BCAS3: variants seen among roughly 807,000 people sequenced by gnomAD.
The protein encoded by BCAS3 is BCAS4/BCAS3 fusion.
In BCAS3, 53 loss-of-function variants were observed where a neutral mutation model predicts 116.1. The observed-to-expected ratio is 0.46, with a 90% CI of 0.37 to 0.57. The LOEUF is 0.57. Among genes scored for constraint, BCAS3 ranks in the 20% least tolerant of loss-of-function variants. BCAS3 has a pLI of 0.00. For synonymous variants in BCAS3, 391 were observed against 408.2 expected (o/e 0.96, Z 0.51); for missense variants, 917 against 1,165.4 (o/e 0.79, Z 3.10).
Position 61,097,175 on chromosome 17 carries a change from GT to G in BCAS3, c.2425+12618del, listed in dbSNP as rs1325954095. On this transcript the variant is annotated intron_variant, in intron 22 of 23. Coordinates refer to ENST00000407086, the MANE Select transcript of BCAS3 (RefSeq NM_017679.5). This position sits in a 1 kb window ranked among gnomAD's most constrained non-coding sequence, Gnocchi z 4.0. ...AGAAGCCTACTCTGTTTCTTTATTTGTTTTTTTCTTTTTTCTTTTTTGAGAC... is the reference window on the plus strand; with the variant it reads ...AGAAGCCTACTCTGTTTCTTTATTTGTTTTTTCTTTTTTCTTTTTTGAGAC... Among the ~76,000 whole-genome samples, 7 of 151,848 alleles carry G rather than the reference GT, an allele frequency of 4.6e-5. No homozygotes were observed. In the East Asian group the frequency reaches 1.2e-3, roughly 25 times the overall value.
chr17:61,153,538 G>C (rs901399422), intron 22 of BCAS3, among the ~76,000 whole-genome samples: 4 of 152,176 alleles, frequency 2.6e-5, no homozygotes, highest in African/African-American at 9.7e-5. Context: ...GTGTAAGGTA[G>C]CATCTCCTAT....
intron 5 of BCAS3, among the ~76,000 whole-genome samples, chr17:60,725,240 A>G (rs1568108221): frequency 3.3e-5 from 5 of 152,070 alleles, no homozygotes. Flanking sequence ...CTTATACTCT[A>G]TTTTTTCATT....
rs755437031 is a variant in BCAS3, at chr17:61,392,023, C to T, written c.2640C>T (p.Gly880=). ...GSIETLSNSS[G]STSGSIPRNF... The stretch of plus-strand genomic sequence containing the variant: ...TCGAGACTCTGAGTAACAGCTCAGG[C>T]TCCACCAGCGGCAGCATACCAAGAA... The change falls in exon 24 of 24, where the codon GGC becomes GGT. Residue 880 remains glycine (G), a synonymous_variant. Coordinates refer to ENST00000407086, the MANE Select transcript of BCAS3 (RefSeq NM_017679.5). This position sits in a 1 kb window ranked among gnomAD's most constrained non-coding sequence, Gnocchi z 6.4. 1 of 1,613,920 alleles carries T rather than the reference C, an allele frequency of 6.2e-7. No individual in the cohort carries two copies. The highest frequency in any genetic ancestry group is 1.7e-5 in the Admixed American group (1 of 60,024).
chr17:61,360,045 C>T (rs1603037459), intron 22 of BCAS3, among the ~76,000 whole-genome samples: 1 of 146,040 alleles, frequency 6.8e-6, no homozygotes, highest in East Asian at 2.1e-4. Context: ...CTCACTCTGT[C>T]GCCCAGACTG....
intron 22 of BCAS3, among the ~76,000 whole-genome samples, chr17:61,175,784 A>G (rs2079097490): frequency 1.3e-5 from 2 of 152,184 alleles, no homozygotes; most frequent in African/African-American, 2.4e-5. Context: ...TCCAGAATAT[A>G]TAAATATAAA....
rs113570182 is a variant in BCAS3, at chr17:60,927,318, C to T, written c.1087+2818C>T. ...TTTGCCAGGCTGGAGTGCAGTGGCA[C>T]GATCTCAGCTCACTGCAACCTCCGC... On this transcript the variant is annotated intron_variant, in intron 13 of 23. Transcript: ENST00000407086. Among the ~76,000 whole-genome samples the T allele has an allele frequency of 3.7e-3, 567 of 151,754 alleles. 3 individuals carry two copies. Among genetic ancestry groups the T allele is most frequent in the African/African-American group, 0.013 (539 of 41,398 alleles).
intron 22 of BCAS3, among the ~76,000 whole-genome samples, chr17:61,255,865 G>A (rs1040742262): frequency 1.3e-5 from 2 of 152,200 alleles, no homozygotes; most frequent in Non-Finnish European, 2.9e-5. Flanking sequence ...AATTGAAGAA[G>A]TGGCTGGGGC....
At position 61,343,079 on chromosome 17, in the gene BCAS3, G is replaced by C. The variant is rs2057287063; in HGVS notation, c.2426-25248G>C. Among the ~76,000 whole-genome samples the C allele has an allele frequency of 6.6e-6, 1 of 152,178 alleles. No homozygotes were observed. The highest frequency in any genetic ancestry group is 2.4e-5 in the African/African-American group (1 of 41,458). ...GATTTTCTTTTAAAGGAAGGTGAGA[G>C]AGTAACTTCTTGGCCACCTTATCCT... On this transcript the variant is annotated intron_variant, in intron 22 of 23. Transcript: ENST00000407086. This position sits in a 1 kb window ranked among gnomAD's most constrained non-coding sequence, Gnocchi z 5.5.
Position 61,188,946 on chromosome 17 carries a change from T to A in BCAS3, c.2425+104382T>A, listed in dbSNP as rs1405310359. Among the ~76,000 whole-genome samples, 1 of 151,902 alleles carries A rather than the reference T, an allele frequency of 6.6e-6. No individual in the cohort carries two copies. ...AGTGAGACCTCATCTCTATAAAACA[T>A]CAAAAAATCAGCCGGGCGTGATGGT... On this transcript the variant is annotated intron_variant, in intron 22 of 23. Coordinates refer to ENST00000407086, the MANE Select transcript of BCAS3 (RefSeq NM_017679.5). This position sits in a 1 kb window ranked among gnomAD's most constrained non-coding sequence, Gnocchi z 4.0.
intron 22 of BCAS3, among the ~76,000 whole-genome samples, chr17:61,092,938 G>A (rs1601170812): frequency 8.4e-6 from 1 of 119,560 alleles, no homozygotes; most frequent in South Asian, 2.7e-4. Context: ...CAGAGTCTCA[G>A]TCTGTCACTG....
At chr17:60,711,939 A>G (rs1364869932) in intron 5 of BCAS3, among the ~76,000 whole-genome samples, 1 of 152,064 alleles carries the variant, frequency 6.6e-6, no homozygotes, top group Non-Finnish European at 1.5e-5. Context: ...AGGCAGGCAG[A>G]TCATTTGAGG....
intron 19 of BCAS3, among the ~76,000 whole-genome samples, chr17:61,067,726 CAAA>C (rs377228440): frequency 2.8e-5 from 3 of 108,992 alleles, no homozygotes; most frequent in African/African-American, 1.1e-4. Flanking sequence ...AACAAACAAA[CAAA>C]AAAAAAAAAA....
intron 4 of BCAS3, among the ~76,000 whole-genome samples, chr17:60,700,682 A>G (rs538782411): frequency 6.6e-6 from 1 of 152,316 alleles, no homozygotes; most frequent in Non-Finnish European, 1.5e-5. Context: ...AGAGAAAGTG[A>G]AGAAAAGTTA....
chr17:60,955,214 T>C lies in BCAS3; in HGVS notation c.1221+7862T>C, dbSNP rs2061055304. 2.0e-5 allele frequency among the ~76,000 whole-genome samples: 3 copies of C among 152,244 alleles called. No individual in the cohort carries two copies. The East Asian group carries it at 5.8e-4, about 29-fold the overall frequency. The stretch of plus-strand genomic sequence containing the variant: ...AAAGTAGATTGCCAACATGACATGA[T>C]GCCCTATTACCCTCAATGCTTGAAT... On this transcript the variant is annotated intron_variant, in intron 14 of 23. Coordinates refer to ENST00000407086, the MANE Select transcript of BCAS3 (RefSeq NM_017679.5).
intron 7 of BCAS3, among the ~76,000 whole-genome samples, chr17:60,844,856 T>C (rs998097738): frequency 2.0e-5 from 3 of 152,110 alleles, no homozygotes; most frequent in African/African-American, 4.8e-5. Context: ...TAGAATACCA[T>C]GAGTAAAAAA....
Position 61,077,813 on chromosome 17 carries a change from A to G in BCAS3, c.2131-520A>G, listed in dbSNP as rs2072170882. On this transcript the variant is annotated intron_variant, in intron 20 of 23. Coordinates refer to ENST00000407086, the MANE Select transcript of BCAS3 (RefSeq NM_017679.5). The surrounding 1 kb of genome is among the most constrained non-coding windows in gnomAD (Gnocchi z 4.3). ...TTGTGGAAATAAAGTGGCTTTGGGC[A>G]TTAAAATTATTTCAGACCTTTACTT... Among the ~76,000 whole-genome samples, 1 of 152,230 alleles carries G rather than the reference A, an allele frequency of 6.6e-6. No individual in the cohort carries two copies. Among genetic ancestry groups the G allele is most frequent in the African/African-American group, 2.4e-5 (1 of 41,470 alleles).
chr17:61,040,705 G>A (rs978903927), intron 18 of BCAS3, 87 bp from the exon 19 acceptor site: 2 of 1,066,156 alleles, frequency 1.9e-6, no homozygotes, highest in Admixed American at 1.8e-5. Flanking sequence ...GTGAGTTTAA[G>A]TCACTGTTCA....
chr17:60,773,674 G>T (rs2044978326), intron 6 of BCAS3, among the ~76,000 whole-genome samples: 1 of 151,984 alleles, frequency 6.6e-6, no homozygotes, highest in African/African-American at 2.4e-5. Context: ...TTGAGACAGG[G>T]TCTCATCCTG....
chr17:60,736,762 A>G (rs184002905), intron 5 of BCAS3, among the ~76,000 whole-genome samples: 4 of 152,156 alleles, frequency 2.6e-5, no homozygotes, highest in Admixed American at 2.6e-4. Context: ...TGTGTCTTTC[A>G]AGGGGTTGGT....
Sources: gnomAD v4.1 joint callset for allele counts (sites outside exome capture counted in the v4.1 genomes callset) on GRCh38, gnomAD v4.1.1 for gene constraint, Gnocchi (gnomAD v3.1) non-coding constraint, MANE v1.5 for transcripts, NCBI Gene and HGNC (gene_info 2026-07-23, HGNC 2026-07-21) for gene names.